The following SH3RF2 variants were observed in gnomAD, a reference collection of about 807,000 sequenced individuals.
SH3RF2 encodes the protein E3 ubiquitin-protein ligase SH3RF2.
In SH3RF2, 43 loss-of-function variants were observed where a neutral mutation model predicts 59.0. The observed-to-expected ratio is 0.73, with a 90% confidence interval of 0.57 to 0.94. The LOEUF is 0.94. SH3RF2 is among the 40% of genes least tolerant of loss of function. The probability of loss-of-function intolerance (pLI) is 0.00; values close to 1 mark genes in which losing one functional copy is unlikely to be tolerated. For missense variants in SH3RF2, 930 were observed against 940.1 expected (o/e 0.99, Z 0.14); for synonymous variants, 391 against 391.5 (o/e 1.00, Z 0.01).
chr5:146,055,966 A>G lies in SH3RF2; in HGVS notation c.1323-15A>G. ...CTCTATTTCTTCTCTTAAAAAAAAA[A>G]TTTTCCAAAACCAGAAAGACCTCTA... is the stretch of plus-strand genomic sequence containing the variant. On this transcript the variant is annotated splice_polypyrimidine_tract_variant and intron_variant, in intron 7 of 9. Transcript: ENST00000359120. 1 of 1,596,166 alleles carries G rather than the reference A, an allele frequency of 6.3e-7. No homozygotes were observed. Among genetic ancestry groups the G allele is most frequent in the Non-Finnish European group, 8.5e-7 (1 of 1,173,882 alleles).
At chr5:145,966,529 C>G (rs1456020380) in intron 2 of SH3RF2, among the ~76,000 whole-genome samples, 1 of 152,176 alleles carries the variant, frequency 6.6e-6, no homozygotes, top group Non-Finnish European at 1.5e-5. Flanking sequence ...TAAAAACTCA[C>G]TTCTTTTCTG....
rs1223066723 is a variant in SH3RF2 at position 145,997,329 on chromosome 5, G to GTA, written c.379-2724_379-2723dup. The GTA allele has an allele frequency of 2.7e-6, 3 of 1,125,600 alleles. No individual in the cohort carries two copies. In the African/African-American group the frequency reaches 4.6e-5, roughly 17 times the overall value. The allele number at this position is 1,125,600 out of a possible 1,614,324, so 69.7% of individuals were successfully genotyped here. On this transcript the variant is annotated intron_variant, in intron 2 of 9. Coordinates refer to ENST00000359120, the MANE Select transcript of SH3RF2 (RefSeq NM_152550.4). ...GCTAGTGAAACCAGAGCAGCTCCCCGTATATACTGCACCACCGCTCCAGTC... is the reference window on the plus strand; with the variant it reads ...GCTAGTGAAACCAGAGCAGCTCCCCGTATATATACTGCACCACCGCTCCAGTC...
chr5:146,075,979 T>C (rs145103107), intron 9 of SH3RF2, among the ~76,000 whole-genome samples: 3 of 152,256 alleles, frequency 2.0e-5, no homozygotes, highest in African/African-American at 7.2e-5. Flanking sequence ...TACTTCATAC[T>C]GCACAATGCC....
intron 8 of SH3RF2, among the ~76,000 whole-genome samples, chr5:146,058,495 G>A (rs1762763745): frequency 6.6e-6 from 1 of 152,218 alleles, no homozygotes; most frequent in African/African-American, 2.4e-5. Flanking sequence ...CACCGACTGT[G>A]TTTAGCGAGT....
At chr5:146,022,366 C>A (rs1228225950) in intron 5 of SH3RF2, among the ~76,000 whole-genome samples, 1 of 152,100 alleles carries the variant, frequency 6.6e-6, no homozygotes, top group Non-Finnish European at 1.5e-5. Flanking sequence ...CACCACCACG[C>A]CCAGCTAATT....
chr5:145,960,523 C>G (rs73310178), intron 2 of SH3RF2, among the ~76,000 whole-genome samples: 11,876 of 152,182 alleles, frequency 0.078, 1,567 homozygotes, highest in African/African-American at 0.27. Flanking sequence ...CTGATTCTAA[C>G]TCCTAAGACT....
chr5:146,022,584 GAAC>G, intron 5 of SH3RF2, among the ~76,000 whole-genome samples: 1 of 152,006 alleles, frequency 6.6e-6, no homozygotes, highest in East Asian at 1.9e-4. Flanking sequence ...ACTAAAAAAT[GAAC>G]AACAGGCCAG....
At chr5:145,939,062 C>G (rs1757709423) in intron 2 of SH3RF2, among the ~76,000 whole-genome samples, 1 of 152,254 alleles carries the variant, frequency 6.6e-6, no homozygotes, top group African/African-American at 2.4e-5. Context: ...GGGAATCGCT[C>G]TGTCCAGCGC....
At chr5:145,994,474 T>C (rs1019688836) in intron 2 of SH3RF2, among the ~76,000 whole-genome samples, 1 of 152,214 alleles carries the variant, frequency 6.6e-6, no homozygotes, top group African/African-American at 2.4e-5. Flanking sequence ...GGAGGTTTAA[T>C]TGGACTTACA....
At chr5:145,937,615 C>G (rs1357650876) in intron 1 of SH3RF2, among the ~76,000 whole-genome samples, 2 of 152,146 alleles carry the variant, frequency 1.3e-5, no homozygotes, top group African/African-American at 4.8e-5. Flanking sequence ...AGCAGTCAGT[C>G]TTGTGCTGAA....
At chr5:145,958,184 A>T (rs1758491063) in intron 2 of SH3RF2, among the ~76,000 whole-genome samples, 1 of 152,188 alleles carries the variant, frequency 6.6e-6, no homozygotes, top group African/African-American at 2.4e-5. Flanking sequence ...CACATGCTCG[A>T]TGTCACTAGA....
intron 8 of SH3RF2, among the ~76,000 whole-genome samples, chr5:146,057,976 C>CTATATATATATATATATATATATATATA (rs1491563299): frequency 8.5e-6 from 1 of 118,182 alleles, no homozygotes; most frequent in African/African-American, 2.8e-5. Context: ...CTCTATCTAT[C>CTATATATATATATATATATATATATATA]TATCTATCTA....
At chr5:146,005,320 T>G (rs1465965186) in intron 4 of SH3RF2, among the ~76,000 whole-genome samples, 1 of 152,218 alleles carries the variant, frequency 6.6e-6, no homozygotes, top group South Asian at 2.1e-4. Flanking sequence ...CTGCATTTAC[T>G]GGGTGCTTAA....
intron 2 of SH3RF2, among the ~76,000 whole-genome samples, chr5:145,978,859 C>CT (rs1001306290): frequency 9.9e-5 from 15 of 152,152 alleles, no homozygotes; most frequent in Admixed American, 2.6e-4. Context: ...TGAAATCTTC[C>CT]TTTTTTTCAT....
chr5:146,049,095 A>G lies in SH3RF2; in HGVS notation c.1172A>G (p.Tyr391Cys). The change falls in exon 7 of 10, where the codon TAC becomes TGC. Residue 391 changes from tyrosine to cysteine, a missense_variant. By Grantham distance (194) the Tyr-to-Cys change is radical. Transcript: ENST00000359120. ...SANMFVALHS[Y>C]SAHGPDELDL... ...CCCAGGTTTGTAGCCCTGCACTCCTACTCAGCCCATGGACCCGATGAGCTG... is the reference window on the plus strand; with the variant it reads ...CCCAGGTTTGTAGCCCTGCACTCCTGCTCAGCCCATGGACCCGATGAGCTG... 6.2e-7 allele frequency: 1 copy of G among 1,613,884 alleles called. No homozygotes were observed. The highest frequency in any genetic ancestry group is 2.2e-5 in the East Asian group (1 of 44,862).
chr5:146,044,536 C>T (rs1316262763), intron 5 of SH3RF2, among the ~76,000 whole-genome samples: 1 of 152,130 alleles, frequency 6.6e-6, no homozygotes, highest in Admixed American at 6.5e-5. Context: ...ATTTATTGGC[C>T]ACTCAATATA....
chr5:145,938,391 G>A, intron 2 of SH3RF2, 85 bp downstream of exon 2: 1 of 1,435,466 alleles, frequency 7.0e-7, no homozygotes, highest in South Asian at 1.5e-5. Context: ...TCTTCTTTTA[G>A]TTACATTCCA....
chr5:146,029,561 G>C (rs1381042594), intron 5 of SH3RF2, among the ~76,000 whole-genome samples: 1 of 152,148 alleles, frequency 6.6e-6, no homozygotes, highest in African/African-American at 2.4e-5. Context: ...GCCATGCTGG[G>C]CTCGGGGTAC....
chr5:146,069,142 G>A (rs752678250), intron 9 of SH3RF2, among the ~76,000 whole-genome samples: 20 of 152,154 alleles, frequency 1.3e-4, no homozygotes, highest in Admixed American at 3.9e-4. Flanking sequence ...ACCTAAGGCC[G>A]TAGATATTCT....
Sources: gnomAD v4.1 joint callset for allele counts (sites outside exome capture counted in the v4.1 genomes callset) on GRCh38, gnomAD v4.1.1 for gene constraint, MANE v1.5 for transcripts, NCBI Gene and HGNC (gene_info 2026-07-23, HGNC 2026-07-21) for gene names.